SYT1: variants seen among roughly 807,000 people sequenced by gnomAD.
SYT1 encodes synaptotagmin 1.
A neutral mutation model predicts 44.8 loss-of-function variants in SYT1; 8 were observed. The ratio of observed to expected loss-of-function variants is 0.18; its 90% confidence interval spans 0.10 to 0.32. The LOEUF (loss-of-function observed/expected upper bound fraction) is 0.32, where lower values mean the gene tolerates loss of function less well. Ranked by LOEUF, SYT1 falls within the 10% of genes least tolerant of loss-of-function variation. The probability of loss-of-function intolerance (pLI) is 1.00; values close to 1 mark genes in which losing one functional copy is unlikely to be tolerated. For missense variants in SYT1, 286 were observed against 509.3 expected (o/e 0.56, Z 4.22); for synonymous variants, 154 against 188.8 (o/e 0.82, Z 1.51).
intron 2 of SYT1, among the ~76,000 whole-genome samples, chr12:78,983,297 A>G (rs900031523): frequency 6.6e-6 from 1 of 152,122 alleles, no homozygotes; most frequent in African/African-American, 2.4e-5. Flanking sequence ...AGCCAGATGT[A>G]AGTAATACCA....
intron 2 of SYT1, among the ~76,000 whole-genome samples, chr12:79,042,904 AG>A (rs1873705538): frequency 6.6e-6 from 1 of 151,590 alleles, no homozygotes; most frequent in African/African-American, 2.4e-5. Flanking sequence ...ACTCAGGAGC[AG>A]GTTGTTTAGT....
At chr12:79,442,383 C>T (rs1482748358) in intron 9 of SYT1, among the ~76,000 whole-genome samples, 1 of 151,992 alleles carries the variant, frequency 6.6e-6, no homozygotes, top group Non-Finnish European at 1.5e-5. Context: ...TTTTTTTTAA[C>T]TGACCAACTC....
In SYT1 at chr12:78,894,330, G is replaced by GTTTTTTTTTTTTTTTTTT. The variant is rs566175647; in HGVS notation, c.-217+29239_-217+29256dup. ...AATTTATGATTGTGTTTTTTAATCT[G>GTTTTTTTTTTTTTTTTTT]TTTTTTTTTTTTTTTTTTTTTTTTT... On this transcript the variant is annotated intron_variant, in intron 1 of 10. Coordinates refer to ENST00000261205, the MANE Select transcript of SYT1 (RefSeq NM_005639.3). 2.5e-3 allele frequency among the ~76,000 whole-genome samples: 68 copies of GTTTTTTTTTTTTTTTTTT among 27,732 alleles called. 24 individuals are homozygous for GTTTTTTTTTTTTTTTTTT. The highest frequency in any genetic ancestry group is 3.0e-3 in the Non-Finnish European group (45 of 15,136). 18.2% of individuals were successfully genotyped at this position (27,732 alleles called of 152,430 possible).
intron 3 of SYT1, among the ~76,000 whole-genome samples, chr12:79,144,676 C>G (rs1869767897): frequency 6.6e-6 from 1 of 152,234 alleles, no homozygotes; most frequent in African/African-American, 2.4e-5. Context: ...CAAACCTCTT[C>G]ACACCCTGGC....
intron 4 of SYT1, among the ~76,000 whole-genome samples, chr12:79,270,440 T>C (rs1232923963): frequency 1.3e-5 from 2 of 152,180 alleles, no homozygotes; most frequent in African/African-American, 2.4e-5. Flanking sequence ...ACCATAGCAA[T>C]GGTATTACCT....
At chr12:79,437,182 G>C (rs1870137951) in intron 9 of SYT1, among the ~76,000 whole-genome samples, 1 of 152,176 alleles carries the variant, frequency 6.6e-6, no homozygotes, top group Admixed American at 6.5e-5. Flanking sequence ...TGAATGTATG[G>C]TGGAGTTTGG....
intron 4 of SYT1, among the ~76,000 whole-genome samples, chr12:79,224,751 T>TTTA (rs201728926): frequency 4.8e-3 from 115 of 24,008 alleles, no homozygotes; most frequent in East Asian, 5.8e-3. Flanking sequence ...TTATTTATTT[T>TTTA]TTATTATTAT....
At chr12:79,289,714 T>A (rs1879481677) in intron 5 of SYT1, among the ~76,000 whole-genome samples, 1 of 152,100 alleles carries the variant, frequency 6.6e-6, no homozygotes, top group Non-Finnish European at 1.5e-5. Flanking sequence ...CAAACAGAAG[T>A]AGATGTTAAA....
At chr12:79,420,501 G>A (rs1219904537) in intron 9 of SYT1, among the ~76,000 whole-genome samples, 1 of 152,046 alleles carries the variant, frequency 6.6e-6, no homozygotes, top group East Asian at 1.9e-4. Flanking sequence ...TATCTTAGAA[G>A]GACAGACAAT....
intron 9 of SYT1, among the ~76,000 whole-genome samples, chr12:79,386,913 G>A (rs188334416): frequency 1.0e-3 from 159 of 152,022 alleles, no homozygotes; most frequent in African/African-American, 3.6e-3. Context: ...CTCTCTCAAC[G>A]TTAAATTCAC....
chr12:79,306,714 G>A (rs891922581), intron 8 of SYT1, among the ~76,000 whole-genome samples: 8 of 152,268 alleles, frequency 5.3e-5, no homozygotes, highest in African/African-American at 1.2e-4. Context: ...TAAAAGGACC[G>A]AGAGTTTTCA....
chr12:79,001,978 A>G (rs923993707), intron 2 of SYT1, among the ~76,000 whole-genome samples: 5 of 152,042 alleles, frequency 3.3e-5, no homozygotes. Context: ...GCTTTTGGTG[A>G]TTTCAGGGTT....
At position 78,992,977 on chromosome 12, in the gene SYT1, C is replaced by A. The variant is rs541730192; in HGVS notation, c.-84+15046C>A. 2.6e-5 allele frequency among the ~76,000 whole-genome samples: 4 copies of A among 152,268 alleles called. No individual in the cohort carries two copies. The East Asian group carries it at 7.7e-4, about 29-fold the overall frequency. ...TACTATGATGACTGCAGAGAAAATT[C>A]TCTATATGTTTCCTCTACAAACTTT... is the stretch of plus-strand genomic sequence containing the variant. On this transcript the variant is annotated intron_variant, in intron 2 of 10. Transcript: ENST00000261205.
intron 3 of SYT1, among the ~76,000 whole-genome samples, chr12:79,057,332 C>A (rs1875031429): frequency 6.6e-6 from 1 of 151,902 alleles, no homozygotes; most frequent in Non-Finnish European, 1.5e-5. Flanking sequence ...TGAATTTGTA[C>A]AAAATGTTTC....
chr12:79,331,480 G>A (rs962246145), intron 8 of SYT1, among the ~76,000 whole-genome samples: 2 of 151,976 alleles, frequency 1.3e-5, no homozygotes, highest in Non-Finnish European at 2.9e-5. Flanking sequence ...TATTCTCCTA[G>A]TTGAAAGACT....
intron 4 of SYT1, among the ~76,000 whole-genome samples, chr12:79,239,139 T>C (rs1213905340): frequency 6.6e-6 from 1 of 152,216 alleles, no homozygotes; most frequent in African/African-American, 2.4e-5. Context: ...TGTTTCCCTA[T>C]TATAAATATG....
In SYT1 at chr12:79,050,408, G is replaced by A. The variant is rs151322056; in HGVS notation, c.-18+3046G>A. 2.6e-3 allele frequency among the ~76,000 whole-genome samples: 402 copies of A among 151,984 alleles called. 2 individuals are homozygous for A. Among genetic ancestry groups the A allele is most frequent in the African/African-American group, 9.2e-3 (380 of 41,480 alleles). ...AAGTGGACCTGCATAGTTCAAACCCGTGTTGTTCAAGTGTCAACTATAGTC... is the reference window on the plus strand; with the variant it reads ...AAGTGGACCTGCATAGTTCAAACCCATGTTGTTCAAGTGTCAACTATAGTC... On this transcript the variant is annotated intron_variant, in intron 3 of 10. Coordinates refer to ENST00000261205, the MANE Select transcript of SYT1 (RefSeq NM_005639.3).
At chr12:79,091,099 T>G (rs1224667533) in intron 3 of SYT1, among the ~76,000 whole-genome samples, 1 of 152,024 alleles carries the variant, frequency 6.6e-6, no homozygotes, top group Non-Finnish European at 1.5e-5. Flanking sequence ...GCAGACCCTC[T>G]GAATAGCCAT....
At chr12:78,929,407 CCCAAAAAAAAAA>C (rs1190790504) in intron 1 of SYT1, among the ~76,000 whole-genome samples, 89 of 14,676 alleles carry the variant, frequency 6.1e-3, no homozygotes, top group Non-Finnish European at 0.014. Flanking sequence ...GAGACTCCGT[CCCAAAAAAAAAA>C]AAAAAAAAAA....
Sources: gnomAD v4.1 joint callset for allele counts (sites outside exome capture counted in the v4.1 genomes callset) on GRCh38, gnomAD v4.1.1 for gene constraint, MANE v1.5 for transcripts, NCBI Gene and HGNC (gene_info 2026-07-23, HGNC 2026-07-21) for gene names.